CAPN3: variants seen among roughly 807,000 people sequenced by gnomAD.
CAPN3 encodes the protein calpain 3.
A neutral mutation model predicts 114.0 loss-of-function variants in CAPN3; 88 were observed. The ratio of observed to expected loss-of-function variants is 0.77; its 90% CI spans 0.65 to 0.92. CAPN3 has a LOEUF of 0.92. Among genes scored for constraint, CAPN3 ranks in the 40% least tolerant of loss-of-function variants. The pLI, the probability that CAPN3 is intolerant of heterozygous loss-of-function variation, is 0.00. For synonymous variants in CAPN3, 386 were observed against 382.9 expected (o/e 1.01, Z -0.09); for missense variants, 1,028 against 1,069.0 (o/e 0.96, Z 0.53).
intron 3 of CAPN3, 117 bp downstream of exon 3, chr15:42,386,402 A>G (rs560110587): frequency 1.1e-5 from 9 of 801,956 alleles, no homozygotes; most frequent in Admixed American, 1.7e-5. Context: ...CGCAGCGGCA[A>G]CAGTCGGCAT....
intron 8 of CAPN3, among the ~76,000 whole-genome samples, chr15:42,396,139 A>G (rs28364462): frequency 0.069 from 10,503 of 152,222 alleles, 1,143 homozygotes; most frequent in African/African-American, 0.23. Context: ...TCCTTTTGCA[A>G]TTGAGGAAGC....
chr15:42,394,289 C>T lies in CAPN3; in HGVS notation c.1063C>T (p.Arg355Trp), dbSNP rs749099493. 7.7e-6 allele frequency: 12 copies of T among 1,562,462 alleles called. No homozygotes were observed. Among genetic ancestry groups the T allele is most frequent in the Non-Finnish European group, 9.5e-6 (11 of 1,152,806 alleles). ...CAAAGGTGAGAAAGTGAAGCTGGTG[C>T]GGCTGCGGAATCCGTGGGGCCAGGT... ...PFKGEKVKLV[R>W]LRNPWGQVEW... The change falls in exon 8 of 24, where the codon CGG becomes TGG. Residue 355 changes from arginine (R) to tryptophan (W), a missense_variant. Arg to Trp is a moderately radical substitution (Grantham distance 101). Coordinates refer to ENST00000397163, the MANE Select transcript of CAPN3 (RefSeq NM_000070.3).
In CAPN3 at chr15:42,389,038, T is replaced by A. The variant is rs777829958; in HGVS notation, c.743T>A (p.Met248Lys). ...GAGATCAGGGATGCTCCTAGTGACA[T>A]GTACAAGATCATGAAGAAAGCCATC... ...FFEIRDAPSD[M>K]YKIMKKAIER... The change falls in exon 5 of 24, where the codon ATG (methionine) becomes AAG (lysine). Residue 248 changes from methionine to lysine, a missense_variant. Physicochemically the swap from Met to Lys is moderately conservative, Grantham distance 95. Transcript: ENST00000397163. 3 of 1,613,992 alleles carry A rather than the reference T, an allele frequency of 1.9e-6. No homozygotes were observed. The highest frequency in any genetic ancestry group is 2.5e-6 in the Non-Finnish European group (3 of 1,179,978).
intron 16 of CAPN3, 62 bp from the exon 17 acceptor site, chr15:42,409,241 T>A (rs1435974391): frequency 6.5e-7 from 1 of 1,526,846 alleles, no homozygotes; most frequent in Non-Finnish European, 9.1e-7. Context: ...CCAGAGGAGC[T>A]TGCCTCACAG....
Position 42,411,986 on chromosome 15 carries a change from A to G in CAPN3, c.*213A>G, listed in dbSNP as rs2054269239. On this transcript the variant is annotated 3_prime_UTR_variant, in exon 24 of 24. Coordinates refer to ENST00000397163, the MANE Select transcript of CAPN3 (RefSeq NM_000070.3). ...CCTTTAGTAAAGCAATGAGGTAGGA[A>G]GAACAAACCCTTGTCCCTTTGCCAT... 6.6e-7 allele frequency: 1 copy of G among 1,509,292 alleles called. No homozygotes were observed. The highest frequency in any genetic ancestry group is 1.4e-5 in the African/African-American group (1 of 72,252). The allele number at this position is 1,509,292 out of a possible 1,614,324, so 93.5% of individuals were successfully genotyped here.
chr15:42,396,159 C>T (rs1266063283), intron 8 of CAPN3, among the ~76,000 whole-genome samples: 4 of 151,960 alleles, frequency 2.6e-5, no homozygotes, highest in Non-Finnish European at 5.9e-5. Context: ...CAGAGTCTGA[C>T]AGAGGTTAAG....
Position 42,406,503 on chromosome 15 carries a change from CTCTT to C in CAPN3, c.1800+562_1800+565del, listed in dbSNP as rs1292947526. The stretch of plus-strand genomic sequence containing the variant: ...GGCACTGTGCTTGGGGTCAGTCCCT[CTCTT>C]TTTTTTCCCCCCCAATTATAACAGT... On this transcript the variant is annotated intron_variant, in intron 15 of 23. Transcript: ENST00000397163. Among the ~76,000 whole-genome samples the C allele has an allele frequency of 2.2e-4, 34 of 152,084 alleles. 1 individual carries two copies. The highest frequency in any genetic ancestry group is 1.0e-4 in the Non-Finnish European group (7 of 68,030).
rs373486893 is a variant in CAPN3, at chr15:42,399,672, G to C, written c.1354+20G>C. 218 of 1,582,578 alleles carry C rather than the reference G, an allele frequency of 1.4e-4. No individual in the cohort carries two copies. The East Asian group carries it at 2.1e-3, about 15-fold the overall frequency. ...TCCCAGGTGGGAGATGCTCTTGATGGGGGGAGGGTCTAAGCCGAAAAAGTT... is the reference window on the plus strand; with the variant it reads ...TCCCAGGTGGGAGATGCTCTTGATGCGGGGAGGGTCTAAGCCGAAAAAGTT... On this transcript the variant is annotated intron_variant, in intron 10 of 23. Coordinates refer to ENST00000397163, the MANE Select transcript of CAPN3 (RefSeq NM_000070.3).
intron 14 of CAPN3, chr15:42,404,507 T>A: frequency 2.2e-6 from 1 of 452,954 alleles, no homozygotes; most frequent in Non-Finnish European, 4.4e-6. Flanking sequence ...GCTCAGTAAG[T>A]GGCAGGGTTG....
intron 12 of CAPN3, 175 bp downstream of exon 12, chr15:42,402,310 C>T: frequency 1.3e-6 from 2 of 1,546,922 alleles, no homozygotes; most frequent in South Asian, 1.2e-5. Flanking sequence ...ATTGCATGAC[C>T]CATGACTACC....
chr15:42,389,822 G>C, intron 5 of CAPN3, 131 bp from the exon 6 acceptor site: 1 of 974,376 alleles, frequency 1.0e-6, no homozygotes, highest in South Asian at 1.4e-5. Context: ...TCCTCCATTC[G>C]TGCTCTGTTG....
chr15:42,375,436 A>G (rs2053065321), intron 1 of CAPN3, among the ~76,000 whole-genome samples: 1 of 151,918 alleles, frequency 6.6e-6, no homozygotes, highest in Non-Finnish European at 1.5e-5. Flanking sequence ...CCTTGTGTCA[A>G]CTTGAGTGGG....
intron 1 of CAPN3, chr15:42,374,653 C>T (rs1043989140): frequency 6.6e-6 from 1 of 152,112 alleles, no homozygotes; most frequent in African/African-American, 2.4e-5. Flanking sequence ...GTCTCTTTAT[C>T]CAAAATACCT....
chr15:42,392,622 T>C lies in CAPN3; in HGVS notation c.946-17T>C. ...GTTCCCCCGCCCCTAATGGGTTCTC[T>C]GGTTACTGCTCTACAGACAATCATT... On this transcript the variant is annotated splice_polypyrimidine_tract_variant and intron_variant, in intron 6 of 23. Transcript: ENST00000397163. 6.2e-7 allele frequency: 1 copy of C among 1,607,422 alleles called. No homozygotes were observed. The highest frequency in any genetic ancestry group is 1.1e-5 in the South Asian group (1 of 90,866).
chr15:42,395,219 T>G (rs1368768218), intron 8 of CAPN3, among the ~76,000 whole-genome samples: 1 of 152,214 alleles, frequency 6.6e-6, no homozygotes, highest in Non-Finnish European at 1.5e-5. Flanking sequence ...ATAGCCTCCC[T>G]TGATACACTG....
rs754394051 is a variant in CAPN3, at chr15:42,402,109, C to T, written c.1525-15C>T. On this transcript the variant is annotated splice_polypyrimidine_tract_variant and intron_variant, in intron 11 of 23. Coordinates refer to ENST00000397163, the MANE Select transcript of CAPN3 (RefSeq NM_000070.3). ...ATTCACATCTGAAGCATCTTCCTTTCTGTTTCTTCTCAAGGTTCCCAAAGA... is the reference window on the plus strand; with the variant it reads ...ATTCACATCTGAAGCATCTTCCTTTTTGTTTCTTCTCAAGGTTCCCAAAGA... 7 of 1,614,092 alleles carry T rather than the reference C, an allele frequency of 4.3e-6. No homozygotes were observed. Among genetic ancestry groups the T allele is most frequent in the Non-Finnish European group, 5.9e-6 (7 of 1,180,020 alleles).
intron 5 of CAPN3, among the ~76,000 whole-genome samples, chr15:42,389,496 G>A (rs565093051): frequency 2.0e-5 from 3 of 152,174 alleles, no homozygotes; most frequent in Admixed American, 6.5e-5. Flanking sequence ...CGCTTGAGAC[G>A]TGGGCTTTGT....
chr15:42,411,311 A>G lies in CAPN3; in HGVS notation c.2405A>G (p.Asp802Gly). The G allele has an allele frequency of 1.2e-6, 2 of 1,614,158 alleles. No homozygotes were observed. Among genetic ancestry groups the G allele is most frequent in the African/African-American group, 1.3e-5 (1 of 75,024 alleles). ...MFRAFHAFDK[D>G]GDGIIKLNVL... ...GGAGCTTTTCATGCATTTGACAAGG[A>G]TGGAGATGGTATCATCAAGCTCAAC... Residue 802 changes from aspartate (D) to glycine (G), a missense_variant, in exon 23 of 24, where the codon GAT becomes GGT. Physicochemically the swap from Asp to Gly is moderately conservative, Grantham distance 94. Transcript: ENST00000397163.
chr15:42,379,087 G>A (rs973548025), intron 1 of CAPN3, among the ~76,000 whole-genome samples: 1 of 152,158 alleles, frequency 6.6e-6, no homozygotes, highest in East Asian at 1.9e-4. Flanking sequence ...GCTGAAGCAG[G>A]TGGATCATGA....
Sources: gnomAD v4.1 joint callset for allele counts (sites outside exome capture counted in the v4.1 genomes callset) on GRCh38, gnomAD v4.1.1 for gene constraint, MANE v1.5 for transcripts, NCBI Gene and HGNC (gene_info 2026-07-23, HGNC 2026-07-21) for gene names.